The following DAPL1 variants were observed in gnomAD, a reference collection of about 807,000 sequenced individuals.
DAPL1 encodes death associated protein like 1.
A neutral mutation model predicts 12.9 loss-of-function variants in DAPL1; 17 were observed. The observed-to-expected ratio is 1.32, with a 90% confidence interval of 0.90 to 1.98. The LOEUF (loss-of-function observed/expected upper bound fraction) is 1.98, where lower values mean the gene tolerates loss of function less well. Among genes scored for constraint, DAPL1 ranks in the 30% most tolerant of loss-of-function variants. The pLI, the probability that DAPL1 is intolerant of heterozygous loss-of-function variation, is 0.00. For missense variants in DAPL1, 157 were observed against 125.7 expected (o/e 1.25, Z -1.19); for synonymous variants, 51 against 42.0 (o/e 1.21, Z -0.82).
chr2:158,809,728 T>A (rs962509516), intron 3 of DAPL1, among the ~76,000 whole-genome samples: 2 of 152,198 alleles, frequency 1.3e-5, no homozygotes, highest in Admixed American at 6.5e-5. Flanking sequence ...CAGGCCTGCA[T>A]CCTGCCTTCA....
chr2:158,808,262 C>G (rs2059212682), intron 3 of DAPL1, among the ~76,000 whole-genome samples: 1 of 152,210 alleles, frequency 6.6e-6, no homozygotes, highest in Non-Finnish European at 1.5e-5. Context: ...CAGCTGGCCT[C>G]CTGGAACCCC....
At chr2:158,813,749 G>A (rs562138544) in intron 3 of DAPL1, among the ~76,000 whole-genome samples, 45 of 152,092 alleles carry the variant, frequency 3.0e-4, no homozygotes, top group African/African-American at 1.1e-3. Flanking sequence ...TAGAGATGGG[G>A]TTTCACCGTG....
chr2:158,806,516 T>G (rs1402763788), intron 2 of DAPL1, among the ~76,000 whole-genome samples: 1 of 151,892 alleles, frequency 6.6e-6, no homozygotes, highest in African/African-American at 2.4e-5. Flanking sequence ...TGTTTCTGTA[T>G]GTATATCATA....
At chr2:158,799,158 A>G (rs1029809379) in intron 1 of DAPL1, among the ~76,000 whole-genome samples, 1 of 152,224 alleles carries the variant, frequency 6.6e-6, no homozygotes, top group African/African-American at 2.4e-5. Context: ...TAGGTTTTCT[A>G]GTGAAATTAT....
chr2:158,804,701 C>T (rs1039378212), intron 2 of DAPL1, among the ~76,000 whole-genome samples: 1 of 152,240 alleles, frequency 6.6e-6, no homozygotes, highest in African/African-American at 2.4e-5. Context: ...ATTTTCAGAT[C>T]AGCCTTTAAA....
At chr2:158,802,406 C>T (rs2105150107) in intron 1 of DAPL1, among the ~76,000 whole-genome samples, 1 of 152,264 alleles carries the variant, frequency 6.6e-6, no homozygotes, top group East Asian at 1.9e-4. Flanking sequence ...AGTCACAACC[C>T]CATGATGCTA....
At chr2:158,798,909 A>C (rs935936293) in intron 1 of DAPL1, among the ~76,000 whole-genome samples, 1 of 152,122 alleles carries the variant, frequency 6.6e-6, no homozygotes, top group Non-Finnish European at 1.5e-5. Flanking sequence ...TTTTTCACAT[A>C]CATTGTCCAT....
Sources: allele counts gnomAD v4.1 joint callset (sites outside exome capture counted in the v4.1 genomes callset), GRCh38; gene constraint gnomAD v4.1.1; transcripts MANE v1.5; gene names NCBI Gene and HGNC (gene_info 2026-07-23, HGNC 2026-07-21).